MANBA: variants seen among roughly 807,000 people sequenced by gnomAD.
The protein encoded by MANBA is mannosidase beta.
MANBA carries 83 observed loss-of-function variants against 111.1 expected under a neutral mutation model. That is an observed-to-expected ratio of 0.75 (90% CI 0.63 to 0.90). MANBA has a LOEUF of 0.90. Among genes scored for constraint, MANBA ranks in the 40% least tolerant of loss-of-function variants. The pLI is 0.00. For synonymous variants in MANBA, 370 were observed against 378.7 expected (o/e 0.98, Z 0.27); for missense variants, 1,036 against 1,069.0 (o/e 0.97, Z 0.43).
intron 1 of MANBA, among the ~76,000 whole-genome samples, chr4:102,732,766 T>C (rs956154067): frequency 1.3e-5 from 2 of 152,180 alleles, no homozygotes; most frequent in Admixed American, 6.5e-5. Flanking sequence ...ATGGAACACA[T>C]ATTTACAGAC....
chr4:102,727,604 G>C (rs1722859590), intron 1 of MANBA: 1 of 1,594,066 alleles, frequency 6.3e-7, no homozygotes, highest in African/African-American at 1.3e-5. Flanking sequence ...TTGGGCTCGG[G>C]AGACAGGCCA....
In MANBA at chr4:102,729,710, C is replaced by A. The variant is rs572316830; in HGVS notation, c.178-3027G>T. ...CCTCCAGCTTCAGCTTCTCCTGGCC[C>A]AGAGTCTTCAGCTGCTGCCTAAGGT... On this transcript the variant is annotated intron_variant, in intron 1 of 16. Coordinates refer to ENST00000647097, the MANE Select transcript of MANBA (RefSeq NM_005908.4). 1.6e-5 allele frequency: 25 copies of A among 1,538,188 alleles called. No individual in the cohort carries two copies. The African/African-American group carries it at 3.4e-4, about 21-fold the overall frequency.
chr4:102,726,494 C>CAAAAAAA, intron 2 of MANBA, 95 bp downstream of exon 2: 1 of 635,504 alleles, frequency 1.6e-6, no homozygotes, highest in Non-Finnish European at 2.7e-6. Context: ...ACATACAAAA[C>CAAAAAAA]AAAAAAAAAA....
chr4:102,729,213 C>T, intron 1 of MANBA: 1 of 732,044 alleles, frequency 1.4e-6, no homozygotes, highest in Non-Finnish European at 2.5e-6. Flanking sequence ...GGCCCTCAGT[C>T]TCAGCCTGGA....
chr4:102,660,159 T>G (rs1578878276), intron 11 of MANBA, among the ~76,000 whole-genome samples: 2 of 152,218 alleles, frequency 1.3e-5, no homozygotes, highest in Admixed American at 6.5e-5. Context: ...CAAACTTATC[T>G]GACTATGCTC....
chr4:102,752,752 T>C (rs2110212223), intron 1 of MANBA: 1 of 372,492 alleles, frequency 2.7e-6, no homozygotes, highest in East Asian at 7.1e-5. Flanking sequence ...ATTTATATAA[T>C]GTTTTCACTC....
At chr4:102,752,170 G>A (rs1467353183) in intron 1 of MANBA, 5 of 788,594 alleles carry the variant, frequency 6.3e-6, no homozygotes, top group South Asian at 2.7e-5. Flanking sequence ...CCTCAGTTCT[G>A]TGGTCAGATG....
At chr4:102,676,304 C>T (rs890315659) in intron 7 of MANBA, among the ~76,000 whole-genome samples, 1 of 152,086 alleles carries the variant, frequency 6.6e-6, no homozygotes, top group Non-Finnish European at 1.5e-5. Context: ...AATATTTAAA[C>T]TTATACATGA....
intron 1 of MANBA, chr4:102,727,209 TC>T (rs1391059942): frequency 1.8e-4 from 74 of 402,072 alleles, no homozygotes; most frequent in African/African-American, 1.4e-3. Context: ...GTGGGCACTT[TC>T]CTGGAAGATG....
intron 10 of MANBA, chr4:102,668,238 C>T (rs986245012): frequency 6.6e-6 from 1 of 152,470 alleles, no homozygotes; most frequent in Non-Finnish European, 1.5e-5. Flanking sequence ...AACCTCAGAT[C>T]TGTGGCTAAA....
intron 1 of MANBA, among the ~76,000 whole-genome samples, chr4:102,745,337 G>T (rs1181560432): frequency 6.6e-6 from 1 of 152,138 alleles, no homozygotes. Context: ...TTCATTCAAG[G>T]GTTTCTGGGC....
intron 10 of MANBA, chr4:102,668,690 C>T (rs1482092572): frequency 7.1e-6 from 3 of 423,244 alleles, no homozygotes; most frequent in African/African-American, 2.0e-5. Context: ...CCTGTTAAAC[C>T]TCCAAGCAGA....
At chr4:102,711,612 T>C (rs1326801677) in intron 5 of MANBA, among the ~76,000 whole-genome samples, 1 of 152,164 alleles carries the variant, frequency 6.6e-6, no homozygotes, top group African/African-American at 2.4e-5. Context: ...AATAGGTAAC[T>C]ATCCACAGAA....
chr4:102,755,562 C>G (rs570664235), intron 1 of MANBA, among the ~76,000 whole-genome samples: 42 of 152,236 alleles, frequency 2.8e-4, no homozygotes, highest in African/African-American at 9.6e-4. Flanking sequence ...TAGGCATGGG[C>G]AAGGACTTCA....
intron 5 of MANBA, among the ~76,000 whole-genome samples, chr4:102,700,965 A>G (rs1457870455): frequency 1.3e-5 from 2 of 151,974 alleles, no homozygotes; most frequent in Non-Finnish European, 1.5e-5. Context: ...GGGGTGTTAA[A>G]GTCTCCCATT....
intron 8 of MANBA, among the ~76,000 whole-genome samples, chr4:102,673,368 G>C (rs527500219): frequency 6.6e-6 from 1 of 151,812 alleles, no homozygotes; most frequent in Non-Finnish European, 1.5e-5. Flanking sequence ...TTAGCTGGGC[G>C]GTAGTGGCCT....
intron 1 of MANBA, among the ~76,000 whole-genome samples, chr4:102,749,728 T>C (rs1723718091): frequency 6.6e-6 from 1 of 152,226 alleles, no homozygotes; most frequent in South Asian, 2.1e-4. Context: ...GCTGAAATTA[T>C]ATGAACAAGT....
chr4:102,745,336 G>A (rs187160375), intron 1 of MANBA, among the ~76,000 whole-genome samples: 1 of 152,298 alleles, frequency 6.6e-6, no homozygotes, highest in East Asian at 1.9e-4. Flanking sequence ...CTTCATTCAA[G>A]GGTTTCTGGG....
intron 13 of MANBA, among the ~76,000 whole-genome samples, chr4:102,647,299 A>C (rs1730146229): frequency 6.7e-6 from 1 of 149,380 alleles, no homozygotes; most frequent in South Asian, 2.2e-4. Flanking sequence ...CACGAGGACA[A>C]GTCCAATTCT....
Sources: gnomAD v4.1 joint callset for allele counts (sites outside exome capture counted in the v4.1 genomes callset) on GRCh38, gnomAD v4.1.1 for gene constraint, MANE v1.5 for transcripts, NCBI Gene and HGNC (gene_info 2026-07-23, HGNC 2026-07-21) for gene names.